Variants in GALNT18 observed in about 807,000 individuals in gnomAD.
GALNT18 encodes the protein polypeptide N-acetylgalactosaminyltransferase 18, also known as GalNAc-transferase 18.
Under a neutral mutation model 69.5 loss-of-function variants are expected in GALNT18, and 44 were observed. The observed-to-expected ratio is 0.63, with a 90% CI of 0.50 to 0.81. The LOEUF (loss-of-function observed/expected upper bound fraction) is 0.81, where lower values mean the gene tolerates loss of function less well. GALNT18 is among the 40% of genes least tolerant of loss of function. The pLI, the probability that GALNT18 is intolerant of heterozygous loss-of-function variation, is 0.00. For synonymous variants in GALNT18, 364 were observed against 318.2 expected, an observed-to-expected ratio of 1.14 and a Z score of -1.53; for missense variants, 715 against 810.0, an observed-to-expected ratio of 0.88 and a Z score of 1.42.
Position 11,351,076 on chromosome 11 carries a change from T to C in GALNT18, c.1093-10072A>G, listed in dbSNP as rs146754183. Among the ~76,000 whole-genome samples the C allele has an allele frequency of 7.2e-3, 1,101 of 152,248 alleles. 15 individuals carry two copies. The highest frequency in any genetic ancestry group is 0.025 in the African/African-American group (1,032 of 41,554). ...GGCTCATATGAGAAAGCTCCAGGTA[T>C]AGGGACAGATGGAGTGTCTGGAAGG... On this transcript the variant is annotated intron_variant, in intron 6 of 10. Transcript: ENST00000227756.
chr11:11,556,832 T>C (rs978547598), intron 1 of GALNT18, among the ~76,000 whole-genome samples: 5 of 152,280 alleles, frequency 3.3e-5, no homozygotes, highest in African/African-American at 1.2e-4. Context: ...TCAAATGTTA[T>C]GCTCAGTGCA....
At chr11:11,395,702 G>C (rs367563353) in intron 3 of GALNT18, among the ~76,000 whole-genome samples, 3 of 152,200 alleles carry the variant, frequency 2.0e-5, no homozygotes, top group Non-Finnish European at 4.4e-5. Context: ...AAAGAAAAGA[G>C]AGAAGGAAGG....
At position 11,511,513 on chromosome 11, in the gene GALNT18, G is replaced by C. The variant is rs1857165258; in HGVS notation, c.236-62577C>G. Among the ~76,000 whole-genome samples the C allele has an allele frequency of 6.6e-6, 1 of 152,184 alleles. No individual in the cohort carries two copies. Among genetic ancestry groups the C allele is most frequent in the South Asian group, 2.1e-4 (1 of 4,834 alleles). ...GCTAATGCAGTGGTTCTTTACTTCT[G>C]AGCCACTCACCCCTCAGAAAATCTG... On this transcript the variant is annotated intron_variant, in intron 1 of 10. Transcript: ENST00000227756. The surrounding 1 kb of genome is among the most constrained non-coding windows in gnomAD (Gnocchi z 4.9).
At chr11:11,411,362 G>A (rs1445764233) in intron 3 of GALNT18, among the ~76,000 whole-genome samples, 4 of 152,168 alleles carry the variant, frequency 2.6e-5, no homozygotes, top group Admixed American at 6.5e-5. Context: ...CCAGGACAGA[G>A]GGCAAGGTTT....
At chr11:11,468,742 T>C (rs1446300401) in intron 1 of GALNT18, among the ~76,000 whole-genome samples, 3 of 152,092 alleles carry the variant, frequency 2.0e-5, no homozygotes, top group Non-Finnish European at 4.4e-5. Flanking sequence ...TCGCTAATGC[T>C]GGTCTACCAC....
chr11:11,290,965 C>T (rs1402330592), intron 10 of GALNT18, among the ~76,000 whole-genome samples: 1 of 152,232 alleles, frequency 6.6e-6, no homozygotes, highest in African/African-American at 2.4e-5. Context: ...TACAAGCCTA[C>T]TTTGCACCCA....
At chr11:11,407,066 G>C (rs1023336047) in intron 3 of GALNT18, among the ~76,000 whole-genome samples, 1 of 152,250 alleles carries the variant, frequency 6.6e-6, no homozygotes, top group African/African-American at 2.4e-5. Context: ...GAGGAAGCAA[G>C]CTCATTGCCA....
chr11:11,553,389 A>T (rs1337033235), intron 1 of GALNT18, among the ~76,000 whole-genome samples: 1 of 152,188 alleles, frequency 6.6e-6, no homozygotes, highest in Non-Finnish European at 1.5e-5. Context: ...TGGAACCAAG[A>T]CACTGCCAGG....
intron 9 of GALNT18, among the ~76,000 whole-genome samples, chr11:11,301,633 C>T (rs1017104237): frequency 3.9e-5 from 6 of 152,262 alleles, no homozygotes; most frequent in East Asian, 1.9e-4. Context: ...CCTGGTGGAG[C>T]GGGAACAAGT....
At chr11:11,589,558 C>T (rs2133924781) in intron 1 of GALNT18, among the ~76,000 whole-genome samples, 1 of 151,810 alleles carries the variant, frequency 6.6e-6, no homozygotes, top group Non-Finnish European at 1.5e-5. Context: ...AGAGCTTCAA[C>T]CACGAGAGGC....
intron 1 of GALNT18, among the ~76,000 whole-genome samples, chr11:11,484,028 C>G (rs534589894): frequency 6.6e-6 from 1 of 152,158 alleles, no homozygotes; most frequent in East Asian, 1.9e-4. Flanking sequence ...ACAGCACCTA[C>G]TCTGTGCGGG....
Position 11,604,567 on chromosome 11 carries a change from G to A in GALNT18, c.235+16792C>T, listed in dbSNP as rs1008189572. Among the ~76,000 whole-genome samples the A allele has an allele frequency of 2.0e-5, 3 of 152,330 alleles. No homozygotes were observed. Among genetic ancestry groups the A allele is most frequent in the African/African-American group, 7.2e-5 (3 of 41,576 alleles). ...CCAGACCCCGCCTGGCACCAAGTCT[G>A]CATGGCGGAGAGAAGGGTGATGTGG... On this transcript the variant is annotated intron_variant, in intron 1 of 10. Transcript: ENST00000227756. This position sits in a 1 kb window ranked among gnomAD's most constrained non-coding sequence, Gnocchi z 5.6.
chr11:11,425,911 C>T (rs1855118111), intron 3 of GALNT18, among the ~76,000 whole-genome samples: 1 of 152,264 alleles, frequency 6.6e-6, no homozygotes, highest in Non-Finnish European at 1.5e-5. Flanking sequence ...GCTTCTCTCC[C>T]TCTGGAAGTC....
intron 10 of GALNT18, among the ~76,000 whole-genome samples, chr11:11,282,549 AG>A (rs1419816358): frequency 6.6e-6 from 1 of 152,260 alleles, no homozygotes; most frequent in East Asian, 1.9e-4. Context: ...CTGGGAACCC[AG>A]GGGGGTCTGC....
intron 1 of GALNT18, among the ~76,000 whole-genome samples, chr11:11,451,646 T>C (rs1296752059): frequency 1.3e-5 from 2 of 152,212 alleles, no homozygotes; most frequent in African/African-American, 4.8e-5. Flanking sequence ...TCCTCCTCAC[T>C]GGTGCAACTC....
intron 10 of GALNT18, among the ~76,000 whole-genome samples, chr11:11,279,729 C>T (rs117616854): frequency 6.8e-3 from 1,031 of 152,292 alleles, no homozygotes; most frequent in Non-Finnish European, 0.012. Context: ...TGGTGGTCAG[C>T]TCTGGGAAGA....
chr11:11,321,827 A>G lies in GALNT18; in HGVS notation c.1512+5259T>C, dbSNP rs775234830. Among the ~76,000 whole-genome samples, 184 of 152,168 alleles carry G rather than the reference A, an allele frequency of 1.2e-3. 1 individual carries two copies. Among genetic ancestry groups the G allele is most frequent in the African/African-American group, 4.2e-3 (173 of 41,532 alleles). On this transcript the variant is annotated intron_variant, in intron 9 of 10. Coordinates refer to ENST00000227756, the MANE Select transcript of GALNT18 (RefSeq NM_198516.3). ...GCCATGTTGGCTAGGCTGGTCTCGA[A>G]CTCCTGACCTCAGGTGAACTGCCTG...
chr11:11,352,807 C>A, intron 6 of GALNT18: 1 of 1,614,190 alleles, frequency 6.2e-7, no homozygotes, highest in Non-Finnish European at 8.5e-7. Context: ...GTTCGTGACA[C>A]AGGGTCTTTT....
At chr11:11,548,926 G>A (rs1465643240) in intron 1 of GALNT18, among the ~76,000 whole-genome samples, 1 of 152,228 alleles carries the variant, frequency 6.6e-6, no homozygotes. Context: ...TATATTAGCT[G>A]TTGTGGCAGA....
Sources: allele counts gnomAD v4.1 joint callset (sites outside exome capture counted in the v4.1 genomes callset), GRCh38; gene constraint gnomAD v4.1.1; non-coding constraint Gnocchi (gnomAD v3.1); transcripts MANE v1.5; gene names NCBI Gene and HGNC (gene_info 2026-07-23, HGNC 2026-07-21).